The following SEC24B variants were observed in gnomAD, a reference collection of about 807,000 sequenced individuals.
The protein encoded by SEC24B is protein transport protein Sec24B.
Under a neutral mutation model 142.8 loss-of-function variants are expected in SEC24B, and 45 were observed. The ratio of observed to expected loss-of-function variants is 0.32; its 90% CI spans 0.25 to 0.40. The LOEUF (loss-of-function observed/expected upper bound fraction) is 0.40, where lower values mean the gene tolerates loss of function less well. SEC24B is among the 10% of genes least tolerant of loss of function. The pLI is 1.00. For synonymous variants in SEC24B, 574 were observed against 568.2 expected, an observed-to-expected ratio of 1.01 and a Z score of -0.15; for missense variants, 1,409 against 1,526.8, an observed-to-expected ratio of 0.92 and a Z score of 1.29.
chr4:109,465,789 G>A (rs925531939), intron 2 of SEC24B, among the ~76,000 whole-genome samples: 1 of 152,130 alleles, frequency 6.6e-6, no homozygotes, highest in Non-Finnish European at 1.5e-5. Context: ...TTAAATAAAG[G>A]GGGAGAATAA....
rs1038001987 is a variant in SEC24B, at chr4:109,538,490, C to T, written c.3589-3C>T. On this transcript the variant is annotated splice_polypyrimidine_tract_variant and splice_region_variant and intron_variant, in intron 22 of 23. Coordinates refer to ENST00000265175, the MANE Select transcript of SEC24B (RefSeq NM_006323.5). ...AGTTTCCTAATTGTATTTCTTTTAC[C>T]AGACACATCTTCCAGAGCTAGATAC... 1 of 1,599,674 alleles carries T rather than the reference C, an allele frequency of 6.3e-7. No homozygotes were observed.
At chr4:109,500,724 T>C (rs1736043893) in intron 6 of SEC24B, among the ~76,000 whole-genome samples, 1 of 151,916 alleles carries the variant, frequency 6.6e-6, no homozygotes, top group Non-Finnish European at 1.5e-5. Flanking sequence ...CAATCTTGGC[T>C]CTCACTGCAA....
chr4:109,434,623 C>G (rs552820812), intron 1 of SEC24B, among the ~76,000 whole-genome samples: 3 of 152,226 alleles, frequency 2.0e-5, no homozygotes, highest in Non-Finnish European at 2.9e-5. Context: ...TGACCCAGTT[C>G]GGCCTCAAGA....
At chr4:109,504,192 G>A (rs929804760) in intron 6 of SEC24B, among the ~76,000 whole-genome samples, 4 of 152,094 alleles carry the variant, frequency 2.6e-5, no homozygotes, top group Non-Finnish European at 4.4e-5. Context: ...AATTAGGGAG[G>A]TGGACAGCAT....
At chr4:109,524,558 C>T (rs888546030) in intron 14 of SEC24B, among the ~76,000 whole-genome samples, 1 of 152,002 alleles carries the variant, frequency 6.6e-6, no homozygotes, top group African/African-American at 2.4e-5. Flanking sequence ...TCAGTTTCTT[C>T]GTCTGAAAAT....
rs1726007362 is a variant in SEC24B at position 109,539,874 on chromosome 4, A to G, written c.*199A>G. ...TTTTCAACTCAAATTAATGGTAACG[A>G]TGATGCTGTTTCACCAAGTATATTT... is the stretch of plus-strand genomic sequence containing the variant. On this transcript the variant is annotated 3_prime_UTR_variant, in exon 24 of 24. Coordinates refer to ENST00000265175, the MANE Select transcript of SEC24B (RefSeq NM_006323.5). 33 of 552,556 alleles carry G rather than the reference A, an allele frequency of 6.0e-5. No homozygotes were observed. In the South Asian group the frequency reaches 7.7e-4, roughly 13 times the overall value. The allele number at this position is 552,556 out of a possible 1,614,324, so 34.2% of individuals were successfully genotyped here. A position where few individuals can be genotyped will look rare whatever the true frequency, so the allele number is the denominator to read the frequency against.
At chr4:109,441,652 A>T (rs1428377683) in intron 1 of SEC24B, among the ~76,000 whole-genome samples, 2 of 152,080 alleles carry the variant, frequency 1.3e-5, no homozygotes, top group African/African-American at 4.8e-5. Flanking sequence ...GGCTCAAGTG[A>T]TTCTCCTACC....
intron 15 of SEC24B, 107 bp from the exon 16 acceptor site, chr4:109,525,239 G>C: frequency 1.0e-6 from 1 of 955,918 alleles, no homozygotes; most frequent in Non-Finnish European, 1.5e-6. Context: ...GATGGCTTAG[G>C]TTTTCTCATG....
At chr4:109,506,647 A>C in intron 7 of SEC24B, 135 bp downstream of exon 7, 1 of 616,732 alleles carries the variant, frequency 1.6e-6, no homozygotes, top group Non-Finnish European at 2.5e-6. Context: ...TAGTTTGTAT[A>C]GATGTAAAAT....
In SEC24B at chr4:109,530,315, C is replaced by A. The variant is rs781373889; in HGVS notation, c.3103C>A (p.Leu1035Met). The A allele has an allele frequency of 6.2e-6, 10 of 1,613,640 alleles. No homozygotes were observed. The South Asian group carries it at 1.1e-4, about 18-fold the overall frequency. The change falls in exon 19 of 24, where the codon CTG becomes ATG. Residue 1035 changes from leucine (L) to methionine (M), a missense_variant. Physicochemically the swap from Leu to Met is conservative, Grantham distance 15. Transcript: ENST00000265175. ...MAVDRSVSSS[L>M]SDARDALVNA... ...TGTGGATCGGTCCGTTTCATCAAGT[C>A]TGTCAGATGCAAGAGATGCCTTAGT...
At chr4:109,481,825 A>T (rs1377374822) in intron 4 of SEC24B, 44 bp downstream of exon 4, 1 of 1,475,604 alleles carries the variant, frequency 6.8e-7, no homozygotes, top group Non-Finnish European at 9.4e-7. Context: ...TTCCTGCTCA[A>T]GTTTTCTTTT....
chr4:109,481,082 T>C (rs1733692831), intron 3 of SEC24B, among the ~76,000 whole-genome samples: 1 of 152,144 alleles, frequency 6.6e-6, no homozygotes, highest in African/African-American at 2.4e-5. Flanking sequence ...CTCACACTTG[T>C]AGGGTCACAG....
At chr4:109,529,812 C>T (rs550580136) in intron 18 of SEC24B, among the ~76,000 whole-genome samples, 1 of 152,346 alleles carries the variant, frequency 6.6e-6, no homozygotes, top group Admixed American at 6.5e-5. Context: ...CAGGTTACTG[C>T]AGCTTCGACC....
chr4:109,456,337 T>TTTTTG (rs1553995191), intron 1 of SEC24B, among the ~76,000 whole-genome samples: 2 of 148,752 alleles, frequency 1.3e-5, no homozygotes, highest in African/African-American at 4.9e-5. Flanking sequence ...TTTTTTTGTT[T>TTTTTG]TTTTTTTTTT....
chr4:109,478,210 G>C (rs567200473), intron 3 of SEC24B, among the ~76,000 whole-genome samples: 86 of 151,718 alleles, frequency 5.7e-4, no homozygotes, highest in African/African-American at 2.0e-3. Flanking sequence ...CACTTGAACC[G>C]GGGAGGCAGA....
intron 6 of SEC24B, among the ~76,000 whole-genome samples, chr4:109,496,765 C>T (rs1735583987): frequency 6.6e-6 from 1 of 152,182 alleles, no homozygotes; most frequent in African/African-American, 2.4e-5. Context: ...TTGGTTAGTA[C>T]AGATTTCTCT....
intron 6 of SEC24B, among the ~76,000 whole-genome samples, chr4:109,504,818 G>T (rs1736516003): frequency 6.6e-6 from 1 of 152,018 alleles, no homozygotes; most frequent in African/African-American, 2.4e-5. Flanking sequence ...ATTTATTTCA[G>T]TATGGATTGT....
intron 5 of SEC24B, among the ~76,000 whole-genome samples, chr4:109,493,286 A>C (rs1185550453): frequency 6.6e-6 from 1 of 151,984 alleles, no homozygotes; most frequent in East Asian, 1.9e-4. Context: ...TTCAAGAAAA[A>C]AAAAAATAGA....
At chr4:109,474,871 A>C (rs1483099242) in intron 3 of SEC24B, among the ~76,000 whole-genome samples, 2 of 152,246 alleles carry the variant, frequency 1.3e-5, no homozygotes, top group East Asian at 1.9e-4. Flanking sequence ...AAAGTAGAAG[A>C]AGCTGCCATT....
Sources: gnomAD v4.1 joint callset for allele counts (sites outside exome capture counted in the v4.1 genomes callset) on GRCh38, gnomAD v4.1.1 for gene constraint, MANE v1.5 for transcripts, NCBI Gene and HGNC (gene_info 2026-07-23, HGNC 2026-07-21) for gene names.